The following ZNF713 variants were observed in gnomAD, a reference collection of about 807,000 sequenced individuals.
The protein encoded by ZNF713 is zinc finger protein 713.
A neutral mutation model predicts 28.7 loss-of-function variants in ZNF713; 21 were observed. The ratio of observed to expected loss-of-function variants is 0.73; its 90% CI spans 0.52 to 1.05. ZNF713 has a LOEUF of 1.05. Ranked by LOEUF, ZNF713 falls within the 50% of genes least tolerant of loss-of-function variation. The probability of loss-of-function intolerance (pLI) is 0.00; values close to 1 mark genes in which losing one functional copy is unlikely to be tolerated. For synonymous variants in ZNF713, 167 were observed against 178.0 expected (o/e 0.94, Z 0.49); for missense variants, 458 against 532.4 (o/e 0.86, Z 1.37).
intron 2 of ZNF713, among the ~76,000 whole-genome samples, chr7:55,907,743 G>T (rs114976839): frequency 6.0e-4 from 92 of 152,252 alleles, no homozygotes; most frequent in African/African-American, 2.2e-3. Context: ...ATTTCACTTA[G>T]GATAATGGCC....
intron 1 of ZNF713, among the ~76,000 whole-genome samples, chr7:55,904,488 A>G (rs1269045461): frequency 1.3e-5 from 2 of 148,556 alleles, no homozygotes; most frequent in South Asian, 4.2e-4. Context: ...AAAAAAAAAA[A>G]GTAATGAGGT....
chr7:55,909,390 G>C (rs1482027777), intron 2 of ZNF713, among the ~76,000 whole-genome samples: 1 of 152,016 alleles, frequency 6.6e-6, no homozygotes, highest in African/African-American at 2.4e-5. Context: ...CTGTTCCATT[G>C]ATCTATGTGT....
chr7:55,903,681 A>C (rs1313431028), intron 1 of ZNF713, among the ~76,000 whole-genome samples: 1 of 151,236 alleles, frequency 6.6e-6, no homozygotes, highest in Non-Finnish European at 1.5e-5. Flanking sequence ...AAAAAAAACA[A>C]AAAAAAACCT....
intron 1 of ZNF713, among the ~76,000 whole-genome samples, chr7:55,888,962 A>C (rs925668276): frequency 6.6e-6 from 1 of 152,032 alleles, no homozygotes; most frequent in African/African-American, 2.4e-5. Flanking sequence ...TGAGGTGGGA[A>C]GATGGCTTTG....
chr7:55,937,052 A>C (rs1786364929), intron 6 of ZNF713, among the ~76,000 whole-genome samples: 1 of 152,156 alleles, frequency 6.6e-6, no homozygotes, highest in South Asian at 2.1e-4. Context: ...TAATCCCAGC[A>C]CTTGGGGAGG....
rs140352943 is a variant in ZNF713, at chr7:55,928,836, A to C, written c.307+5137A>C. Reference sequence around the variant, plus strand: ...TACTATACATGTAATACAATTCCATAAAAAGTGCCTGCAGGCCGGGTGCCA... The same window carrying C: ...TACTATACATGTAATACAATTCCATCAAAAGTGCCTGCAGGCCGGGTGCCA... On this transcript the variant is annotated intron_variant, in intron 6 of 6. Transcript: ENST00000429591. Among the ~76,000 whole-genome samples the C allele has an allele frequency of 1.6e-3, 244 of 152,266 alleles. 1 individual carries two copies. Among genetic ancestry groups the C allele is most frequent in the African/African-American group, 5.7e-3 (238 of 41,556 alleles).
intron 1 of ZNF713, among the ~76,000 whole-genome samples, chr7:55,893,705 G>A (rs1785427487): frequency 6.6e-6 from 1 of 151,960 alleles, no homozygotes; most frequent in Admixed American, 6.6e-5. Flanking sequence ...TCAGCCTCCC[G>A]AGTAGCTGGG....
intron 1 of ZNF713, among the ~76,000 whole-genome samples, chr7:55,904,727 C>T (rs764342691): frequency 1.3e-4 from 20 of 151,892 alleles, no homozygotes; most frequent in Non-Finnish European, 2.8e-4. Flanking sequence ...GTTGGAGAGA[C>T]ATTAAATTAT....
intron 6 of ZNF713, 69 bp from the exon 7 acceptor site, chr7:55,938,913 A>G: frequency 6.8e-7 from 1 of 1,465,612 alleles, no homozygotes; most frequent in Non-Finnish European, 9.2e-7. Flanking sequence ...CTGTGCAACA[A>G]TTTCTTTTTC....
chr7:55,903,385 C>T (rs1035515441), intron 1 of ZNF713, among the ~76,000 whole-genome samples: 1 of 151,780 alleles, frequency 6.6e-6, no homozygotes, highest in African/African-American at 2.4e-5. Flanking sequence ...AAATGCTGCC[C>T]ATGGCCGGGT....
At chr7:55,909,550 G>A (rs184837939) in intron 2 of ZNF713, among the ~76,000 whole-genome samples, 1 of 152,248 alleles carries the variant, frequency 6.6e-6, no homozygotes, top group Non-Finnish European at 1.5e-5. Flanking sequence ...GGAATTTTAG[G>A]ATTGTTGTTT....
At chr7:55,926,730 CA>C (rs1051249547) in intron 6 of ZNF713, among the ~76,000 whole-genome samples, 20 of 152,100 alleles carry the variant, frequency 1.3e-4, no homozygotes, top group African/African-American at 4.1e-4. Context: ...AGAGAAGTGA[CA>C]GGGGGATGAT....
intron 6 of ZNF713, chr7:55,924,807 G>A (rs760602395): frequency 2.0e-5 from 3 of 152,204 alleles, no homozygotes; most frequent in Non-Finnish European, 4.4e-5. Flanking sequence ...CCTGGGAGCG[G>A]AGGTTGCAGT....
intron 6 of ZNF713, among the ~76,000 whole-genome samples, chr7:55,932,577 C>A (rs1786233827): frequency 6.6e-6 from 1 of 151,284 alleles, no homozygotes; most frequent in Non-Finnish European, 1.5e-5. Flanking sequence ...ACTACTCTTG[C>A]TGTGCTATTT....
chr7:55,907,145 C>T (rs1785694076), intron 2 of ZNF713, among the ~76,000 whole-genome samples: 1 of 152,080 alleles, frequency 6.6e-6, no homozygotes, highest in South Asian at 2.1e-4. Flanking sequence ...CTGTTTGCTT[C>T]CTATGTTGGC....
chr7:55,939,965 G>A lies in ZNF713; in HGVS notation c.1291G>A (p.Glu431Lys). ...TREKLCEYKCEQTVRHSPSFS... is the reference protein window; with the variant it reads ...TREKLCEYKCKQTVRHSPSFS... Reference sequence around the variant, plus strand: ...GGAGAAATTATGTGAATATAAATGTGAGCAAACTGTTCGCCACAGTCCTTC... The same window carrying A: ...GGAGAAATTATGTGAATATAAATGTAAGCAAACTGTTCGCCACAGTCCTTC... The change falls in exon 7 of 7, where the codon GAG (glutamate) becomes AAG (lysine). Residue 431 changes from glutamate to lysine, a missense_variant. Transcript: ENST00000429591. The A allele has an allele frequency of 1.2e-6, 2 of 1,606,630 alleles. No homozygotes were observed. Among genetic ancestry groups the A allele is most frequent in the Non-Finnish European group, 1.7e-6 (2 of 1,175,114 alleles).
rs367619077 is a variant in ZNF713 at position 55,912,685 on chromosome 7, G to C, written c.49G>C (p.Glu17Gln). Residue 17 changes from glutamate to glutamine, a missense_variant, in exon 4 of 7, where the codon GAA (glutamate) becomes CAA (glutamine). By Grantham distance (29) the Glu-to-Gln change is conservative. Coordinates refer to ENST00000429591, the MANE Select transcript of ZNF713 (RefSeq NM_182633.3). ...VFSQEGNMEE[E>Q]EMNDGSQMVR... ...TTCTCAGGAGGGGAACATGGAGGAG[G>C]AAGAAATGAATGATGGCTCACAGAT... is the stretch of plus-strand genomic sequence containing the variant. The C allele has an allele frequency of 2.6e-5, 42 of 1,613,470 alleles. No homozygotes were observed. Among genetic ancestry groups the C allele is most frequent in the African/African-American group, 1.9e-4 (14 of 74,896 alleles).
intron 6 of ZNF713, among the ~76,000 whole-genome samples, chr7:55,930,184 A>G (rs1192372534): frequency 6.6e-6 from 1 of 152,180 alleles, no homozygotes; most frequent in African/African-American, 2.4e-5. Flanking sequence ...AGGAATCCAG[A>G]TACATTTAAC....
chr7:55,890,877 G>C (rs992674396), intron 1 of ZNF713, among the ~76,000 whole-genome samples: 2 of 151,706 alleles, frequency 1.3e-5, no homozygotes, highest in African/African-American at 4.8e-5. Context: ...TATTAGCTGG[G>C]CGTGGTGGCA....
Sources: allele counts gnomAD v4.1 joint callset (sites outside exome capture counted in the v4.1 genomes callset), GRCh38; gene constraint gnomAD v4.1.1; transcripts MANE v1.5; gene names NCBI Gene and HGNC (gene_info 2026-07-23, HGNC 2026-07-21).